MAP3K3: variants seen among roughly 807,000 people sequenced by gnomAD.
MAP3K3 encodes mitogen-activated protein kinase kinase kinase 3, also known as MAP/ERK kinase kinase 3.
In MAP3K3, 12 loss-of-function variants were observed where a neutral mutation model predicts 80.9. The ratio of observed to expected loss-of-function variants is 0.15; its 90% CI spans 0.10 to 0.24. The LOEUF (loss-of-function observed/expected upper bound fraction) is 0.24. Among genes scored for constraint, MAP3K3 ranks in the 10% least tolerant of loss-of-function variants. The pLI is 1.00. For synonymous variants in MAP3K3, 272 were observed against 307.1 expected (o/e 0.89, Z 1.19); for missense variants, 596 against 834.7 (o/e 0.71, Z 3.52).
In MAP3K3 at chr17:63,663,576, G is replaced by A. The variant is rs180943994; in HGVS notation, c.382-3364G>A. The stretch of plus-strand genomic sequence containing the variant: ...CATATATAATCAGAGTCTTTAAAGC[G>A]TTTAAGAGCATGGATAATGAAGACA... On this transcript the variant is annotated intron_variant, in intron 5 of 15. Transcript: ENST00000361733. Among the ~76,000 whole-genome samples the A allele has an allele frequency of 9.3e-4, 142 of 152,126 alleles. 2 individuals are homozygous for A. Among genetic ancestry groups the A allele is most frequent in the African/African-American group, 3.3e-3 (135 of 41,520 alleles).
intron 3 of MAP3K3, among the ~76,000 whole-genome samples, chr17:63,648,843 C>T (rs2034592429): frequency 6.6e-6 from 1 of 151,946 alleles, no homozygotes; most frequent in Admixed American, 6.6e-5. Context: ...ATTACAGTCT[C>T]AATGGGTTTC....
Position 63,652,675 on chromosome 17 carries a change from G to T in MAP3K3, c.267+19G>T. On this transcript the variant is annotated intron_variant, in intron 4 of 15. Coordinates refer to ENST00000361733, the MANE Select transcript of MAP3K3 (RefSeq NM_002401.5). ...CAATGAGGTGAGAAGGCAGATGGAT[G>T]GGGCAGGGACAAGAGGGGCAGATGC... The T allele has an allele frequency of 6.5e-7, 1 of 1,546,648 alleles. No homozygotes were observed. Among genetic ancestry groups the T allele is most frequent in the Non-Finnish European group, 8.9e-7 (1 of 1,118,886 alleles).
At chr17:63,634,819 C>G in intron 2 of MAP3K3, 2 of 1,592,604 alleles carry the variant, frequency 1.3e-6, no homozygotes, top group East Asian at 2.2e-5. Context: ...TCCAGATTAC[C>G]TGTTAAAGCC....
chr17:63,652,710 TTCTC>T, intron 4 of MAP3K3, 54 bp downstream of exon 4: 2 of 1,161,746 alleles, frequency 1.7e-6, no homozygotes, highest in Non-Finnish European at 2.6e-6. Context: ...CCTACCTTTT[TTCTC>T]TCTGTTTACC....
chr17:63,680,460 T>C (rs983559795), intron 6 of MAP3K3, among the ~76,000 whole-genome samples: 2 of 152,168 alleles, frequency 1.3e-5, no homozygotes, highest in African/African-American at 4.8e-5. Flanking sequence ...TTCTGAAAAT[T>C]GGCTCTTCTG....
At chr17:63,643,432 G>A (rs955894656) in intron 2 of MAP3K3, among the ~76,000 whole-genome samples, 1 of 151,986 alleles carries the variant, frequency 6.6e-6, no homozygotes, top group Non-Finnish European at 1.5e-5. Context: ...AATCACCTGT[G>A]CCCGGGAAGT....
At chr17:63,677,621 C>G (rs1241676489) in intron 6 of MAP3K3, among the ~76,000 whole-genome samples, 1 of 152,182 alleles carries the variant, frequency 6.6e-6, no homozygotes, top group Non-Finnish European at 1.5e-5. Flanking sequence ...TCTTTGCCTA[C>G]AAACCCTCTG....
intron 5 of MAP3K3, among the ~76,000 whole-genome samples, chr17:63,665,325 C>T (rs917526566): frequency 2.6e-5 from 4 of 151,752 alleles, no homozygotes; most frequent in Non-Finnish European, 4.4e-5. Flanking sequence ...GCCACCACGC[C>T]CAGCTAATTT....
chr17:63,674,781 C>G (rs747751723), intron 6 of MAP3K3, among the ~76,000 whole-genome samples: 2 of 151,974 alleles, frequency 1.3e-5, no homozygotes, highest in Non-Finnish European at 2.9e-5. Context: ...TGAATCGAGT[C>G]CAGGTAGAGG....
At chr17:63,650,638 T>TTC (rs1172461301) in intron 3 of MAP3K3, among the ~76,000 whole-genome samples, 1 of 146,826 alleles carries the variant, frequency 6.8e-6, no homozygotes, top group African/African-American at 2.6e-5. Flanking sequence ...TAGGAAGACC[T>TTC]TCTCTCTCTC....
intron 2 of MAP3K3, among the ~76,000 whole-genome samples, chr17:63,635,111 A>G (rs1437307700): frequency 1.3e-5 from 2 of 152,202 alleles, no homozygotes; most frequent in Non-Finnish European, 1.5e-5. Context: ...TAAATTTTAA[A>G]TTTTATATCA....
intron 8 of MAP3K3, among the ~76,000 whole-genome samples, chr17:63,687,164 G>A (rs536970710): frequency 9.3e-5 from 14 of 150,822 alleles, no homozygotes; most frequent in African/African-American, 3.4e-4. Flanking sequence ...TCAGGAGTTT[G>A]AGACCAGCCT....
In MAP3K3 at chr17:63,679,561, C is replaced by T. The variant is rs186769724; in HGVS notation, c.503-2205C>T. ...GCAGTGGTCCAAACACGGCTCACTGCGGCCTCAACCTCCCAGGCTCAAGCA... is the reference window on the plus strand; with the variant it reads ...GCAGTGGTCCAAACACGGCTCACTGTGGCCTCAACCTCCCAGGCTCAAGCA... On this transcript the variant is annotated intron_variant, in intron 6 of 15. Transcript: ENST00000361733. Among the ~76,000 whole-genome samples the T allele has an allele frequency of 2.3e-3, 344 of 152,266 alleles. 1 individual carries two copies. Among genetic ancestry groups the T allele is most frequent in the Non-Finnish European group, 3.1e-3 (210 of 68,024 alleles).
Position 63,689,759 on chromosome 17 carries a change from A to G in MAP3K3, c.1063+24A>G, listed in dbSNP as rs1421816222. 4 of 1,592,624 alleles carry G rather than the reference A, an allele frequency of 2.5e-6. No individual in the cohort carries two copies. The highest frequency in any genetic ancestry group is 3.4e-6 in the Non-Finnish European group (4 of 1,166,584). On this transcript the variant is annotated intron_variant, in intron 11 of 15. Transcript: ENST00000361733. This position sits in a 1 kb window ranked among gnomAD's most constrained non-coding sequence, Gnocchi z 4.3. ...GTGTGAGGAGCTGTCCCTGGCTAGG[A>G]GGAGACTGCCCAGGTGGTCTCAGAC...
chr17:63,623,227 GC>G (rs1039056936), intron 1 of MAP3K3, among the ~76,000 whole-genome samples: 2 of 152,178 alleles, frequency 1.3e-5, no homozygotes. Context: ...GCTCACACAG[GC>G]CGGCCTGTGA....
chr17:63,631,200 T>A (rs2034208906), intron 1 of MAP3K3, among the ~76,000 whole-genome samples: 1 of 152,152 alleles, frequency 6.6e-6, no homozygotes, highest in African/African-American at 2.4e-5. Flanking sequence ...GGTGGAGGAT[T>A]GTTTGAGCCT....
chr17:63,678,020 C>T (rs1403249764), intron 6 of MAP3K3, among the ~76,000 whole-genome samples: 1 of 152,168 alleles, frequency 6.6e-6, no homozygotes, highest in Non-Finnish European at 1.5e-5. Context: ...TGTCTTGTGC[C>T]ACTGTGTTGA....
rs200666716 is a variant in MAP3K3, at chr17:63,695,939, TAAA to T, written c.*2165_*2167del. On this transcript the variant is annotated 3_prime_UTR_variant, in exon 16 of 16. Transcript: ENST00000361733. The surrounding 1 kb of genome is among the most constrained non-coding windows in gnomAD (Gnocchi z 4.1). ...ATTGTTTTTTAATAACTAATCCAGA[TAAA>T]AAGTTGTGGGGCTTCAGGGTGACCT... The T allele has an allele frequency of 0.024, 3,643 of 152,676 alleles. 77 individuals carry two copies. Among genetic ancestry groups the T allele is most frequent in the Non-Finnish European group, 0.031 (2,107 of 68,018 alleles). 9.5% of individuals were successfully genotyped at this position (152,676 alleles called of 1,614,324 possible).
At position 63,632,535 on chromosome 17, in the gene MAP3K3, G is replaced by A. The variant is rs940065844; in HGVS notation, c.5-146G>A. ...ATTAAAATTCAAATTGCCATAGTCT[G>A]ACCTTTTGGGCTGCATCTGATTATA... is the stretch of plus-strand genomic sequence containing the variant. On this transcript the variant is annotated intron_variant, in intron 1 of 15. Transcript: ENST00000361733. The A allele has an allele frequency of 3.6e-6, 3 of 826,040 alleles. No individual in the cohort carries two copies. The African/African-American group carries it at 5.2e-5, about 14-fold the overall frequency. The allele number at this position is 826,040 out of a possible 1,614,324, so 51.2% of individuals were successfully genotyped here. A position where few individuals can be genotyped will look rare whatever the true frequency, so the allele number is the denominator to read the frequency against.
Sources: gnomAD v4.1 joint callset for allele counts (sites outside exome capture counted in the v4.1 genomes callset) on GRCh38, gnomAD v4.1.1 for gene constraint, Gnocchi (gnomAD v3.1) non-coding constraint, MANE v1.5 for transcripts, NCBI Gene and HGNC (gene_info 2026-07-23, HGNC 2026-07-21) for gene names.